Variants in PLBD1 observed in about 807,000 individuals in gnomAD.
PLBD1 encodes phospholipase B domain containing 1.
Under a neutral mutation model 63.0 loss-of-function variants are expected in PLBD1, and 60 were observed. The observed-to-expected ratio is 0.95, with a 90% confidence interval of 0.77 to 1.18. PLBD1 has a LOEUF of 1.18. PLBD1 is among the 50% of genes most tolerant of loss of function. The pLI is 0.00. For missense variants in PLBD1, 598 were observed against 677.9 expected, an observed-to-expected ratio of 0.88 and a Z score of 1.31; for synonymous variants, 262 against 248.0, an observed-to-expected ratio of 1.06 and a Z score of -0.53.
At chr12:14,533,819 C>G (rs191905059) in intron 6 of PLBD1, among the ~76,000 whole-genome samples, 9 of 152,160 alleles carry the variant, frequency 5.9e-5, no homozygotes, top group Non-Finnish European at 1.2e-4. Flanking sequence ...GTCACAAGGA[C>G]AGAGAAATAC....
chr12:14,534,380 T>C (rs1227366721), intron 6 of PLBD1, among the ~76,000 whole-genome samples: 3 of 152,142 alleles, frequency 2.0e-5, no homozygotes, highest in South Asian at 2.1e-4. Flanking sequence ...ACATGCTTTG[T>C]TGGATTCACA....
At chr12:14,559,595 CT>C (rs1467947159) in intron 1 of PLBD1, among the ~76,000 whole-genome samples, 1 of 152,112 alleles carries the variant, frequency 6.6e-6, no homozygotes, top group Non-Finnish European at 1.5e-5. Flanking sequence ...AGAGCAAGAG[CT>C]ATTTGTTGGT....
At chr12:14,536,384 T>C (rs1289929580) in intron 5 of PLBD1, among the ~76,000 whole-genome samples, 186 bp downstream of exon 5, 2 of 152,190 alleles carry the variant, frequency 1.3e-5, no homozygotes, top group African/African-American at 4.8e-5. Context: ...GAAGAACAGA[T>C]GTAACATCGT....
chr12:14,518,568 G>A (rs1041322348), intron 6 of PLBD1, among the ~76,000 whole-genome samples: 1 of 152,156 alleles, frequency 6.6e-6, no homozygotes, highest in African/African-American at 2.4e-5. Context: ...TGATCTCTTA[G>A]GCAGCCCCCA....
At chr12:14,516,132 C>T (rs1965666) in intron 6 of PLBD1, among the ~76,000 whole-genome samples, 86,296 of 151,116 alleles carry the variant, frequency 0.57, 25,153 homozygotes, top group Admixed American at 0.7. Context: ...AGTTTGAGAC[C>T]AGCCTGACCA....
chr12:14,536,565 C>T lies in PLBD1; in HGVS notation c.699+5G>A. 6.2e-7 allele frequency: 1 copy of T among 1,613,946 alleles called. No individual in the cohort carries two copies. The highest frequency in any genetic ancestry group is 8.5e-7 in the Non-Finnish European group (1 of 1,179,914). On this transcript the variant is annotated splice_donor_5th_base_variant and intron_variant, in intron 5 of 10. Transcript: ENST00000240617. ...AACAAGGCAAAAGGAGCTGCTATGT[C>T]TTACCTTGATAAGAGCGGAGCAATG...
rs533712409 is a variant in PLBD1, at chr12:14,540,209, T to C, written c.558+555A>G. Among the ~76,000 whole-genome samples, 5 of 144,742 alleles carry C rather than the reference T, an allele frequency of 3.5e-5. No individual in the cohort carries two copies. In the East Asian group the frequency reaches 6.2e-4, roughly 18 times the overall value. 95.0% of individuals were successfully genotyped at this position (144,742 alleles called of 152,430 possible). ...ATTATATACATATATACTGGCAAAA[T>C]AGACCAAAAGACAGTTATATAATAT... On this transcript the variant is annotated intron_variant, in intron 4 of 10. Coordinates refer to ENST00000240617, the MANE Select transcript of PLBD1 (RefSeq NM_024829.6).
chr12:14,507,060 A>G lies in PLBD1; in HGVS notation c.1245T>C (p.Tyr415=). Residue 415 remains tyrosine, a synonymous_variant, in exon 9 of 11, where the codon TAT becomes TAC. Transcript: ENST00000240617. Reference sequence around the variant, plus strand: ...AGCCCAGCTTCTGAACTAACAGTGGATAGCCACTCCAGTTGTAGATTTTTT... The same window carrying G: ...AGCCCAGCTTCTGAACTAACAGTGGGTAGCCACTCCAGTTGTAGATTTTTT... ...FHEKIYNWSG[Y]PLLVQKLGLD... is the part of the protein sequence containing the mutation. The G allele has an allele frequency of 6.2e-7, 1 of 1,613,890 alleles. No individual in the cohort carries two copies. Among genetic ancestry groups the G allele is most frequent in the Non-Finnish European group, 8.5e-7 (1 of 1,179,784 alleles).
intron 4 of PLBD1, among the ~76,000 whole-genome samples, chr12:14,540,129 T>TATATAC (rs1418609619): frequency 7.3e-6 from 1 of 137,118 alleles, no homozygotes; most frequent in African/African-American, 2.7e-5. Context: ...TATATATATA[T>TATATAC]ATACTGGCAA....
intron 6 of PLBD1, among the ~76,000 whole-genome samples, chr12:14,531,608 T>C (rs535707205): frequency 4.6e-5 from 7 of 152,190 alleles, no homozygotes; most frequent in Non-Finnish European, 8.8e-5. Context: ...TTCAGGCTAA[T>C]TGCTGCCTCC....
Position 14,503,927 on chromosome 12 carries a change from A to G in PLBD1, c.1507T>C (p.Tyr503His). ...KVADIYLASQ[Y>H]TSYAISGPTV... ...GGACCACTTATGGCATAGGATGTGT[A>G]CTGAGATGCTAGGTAGATATCTGCC... is the stretch of plus-strand genomic sequence containing the variant. Residue 503 changes from tyrosine to histidine, a missense_variant, in exon 11 of 11, where the codon TAC becomes CAC. By Grantham distance (83) the Tyr-to-His change is moderately conservative. Coordinates refer to ENST00000240617, the MANE Select transcript of PLBD1 (RefSeq NM_024829.6). 1 of 1,611,972 alleles carries G rather than the reference A, an allele frequency of 6.2e-7. No individual in the cohort carries two copies. Among genetic ancestry groups the G allele is most frequent in the Non-Finnish European group, 8.5e-7 (1 of 1,179,052 alleles).
At chr12:14,542,390 T>C in intron 2 of PLBD1, 99 bp from the exon 3 acceptor site, 1 of 838,432 alleles carries the variant, frequency 1.2e-6, no homozygotes, top group Non-Finnish European at 1.9e-6. Context: ...GGATGTCCCT[T>C]ATTACAAACT....
chr12:14,534,622 C>T (rs1177476723), intron 6 of PLBD1, among the ~76,000 whole-genome samples: 1 of 151,004 alleles, frequency 6.6e-6, no homozygotes, highest in East Asian at 1.9e-4. Context: ...CCGCTCACTG[C>T]AAGCTCCGCC....
intron 4 of PLBD1, among the ~76,000 whole-genome samples, chr12:14,540,078 G>T (rs1391270779): frequency 1.5e-4 from 6 of 40,394 alleles, no homozygotes; most frequent in East Asian, 9.2e-4. Context: ...GTCAAAATAG[G>T]CAAAAAGAGA....
intron 2 of PLBD1, among the ~76,000 whole-genome samples, chr12:14,548,719 T>C (rs1183127525): frequency 6.6e-6 from 1 of 152,094 alleles, no homozygotes; most frequent in Non-Finnish European, 1.5e-5. Flanking sequence ...GTAAAAGGAG[T>C]TGCCTTTGAA....
At position 14,503,849 on chromosome 12, in the gene PLBD1, G is replaced by C. The variant is rs141767619; in HGVS notation, c.1585C>G (p.Leu529Val). ...TAGACCTCTGGCATGCCCTGATGTA[G>C]AGTTTTGTTGAAACGGTCCCAGCGA... ...VFRWDRFNKT[L>V]HQGMPEVYNF... Residue 529 changes from leucine to valine, a missense_variant, in exon 11 of 11, where the codon CTA (leucine) becomes GTA (valine). Leu to Val is a conservative substitution (Grantham distance 32). Coordinates refer to ENST00000240617, the MANE Select transcript of PLBD1 (RefSeq NM_024829.6). 203 of 1,613,868 alleles carry C rather than the reference G, an allele frequency of 1.3e-4. No homozygotes were observed. In the African/African-American group the frequency reaches 2.3e-3, roughly 19 times the overall value.
At chr12:14,543,955 T>C (rs1310950819) in intron 2 of PLBD1, among the ~76,000 whole-genome samples, 3 of 151,940 alleles carry the variant, frequency 2.0e-5, no homozygotes, top group African/African-American at 4.8e-5. Context: ...TAAATGGTTA[T>C]AACATTCTAG....
chr12:14,540,213 C>A, intron 4 of PLBD1, among the ~76,000 whole-genome samples: 1 of 142,358 alleles, frequency 7.0e-6, no homozygotes, highest in Admixed American at 7.3e-5. Context: ...GCAAAATAGA[C>A]CAAAAGACAG....
intron 1 of PLBD1, among the ~76,000 whole-genome samples, chr12:14,564,591 T>A (rs1231314923): frequency 2.6e-5 from 4 of 152,214 alleles, no homozygotes; most frequent in African/African-American, 4.8e-5. Flanking sequence ...CTCACAAATA[T>A]CCAGTCTGCC....
Sources: gnomAD v4.1 joint callset for allele counts (sites outside exome capture counted in the v4.1 genomes callset) on GRCh38, gnomAD v4.1.1 for gene constraint, MANE v1.5 for transcripts, NCBI Gene and HGNC (gene_info 2026-07-23, HGNC 2026-07-21) for gene names.